DLC1: variants seen among roughly 807,000 people sequenced by gnomAD.
The protein encoded by DLC1 is DLC1 Rho GTPase activating protein, also known as rho GTPase-activating protein 7.
A neutral mutation model predicts 140.3 loss-of-function variants in DLC1; 54 were observed. The ratio of observed to expected loss-of-function variants is 0.38; its 90% CI spans 0.31 to 0.48. The LOEUF (loss-of-function observed/expected upper bound fraction) is 0.48. DLC1 is among the 20% of genes least tolerant of loss of function. DLC1 has a pLI of 0.96. For synonymous variants in DLC1, 986 were observed against 728.1 expected, an observed-to-expected ratio of 1.35 and a Z score of -5.70; for missense variants, 2,536 against 1,907.0, an observed-to-expected ratio of 1.33 and a Z score of -6.14.
At chr8:13,168,072 T>G (rs928707731) in intron 5 of DLC1, among the ~76,000 whole-genome samples, 1 of 152,210 alleles carries the variant, frequency 6.6e-6, no homozygotes, top group African/African-American at 2.4e-5. Context: ...TGTCTCAGAT[T>G]GGCCTCTCTA....
At chr8:13,359,698 G>C (rs1179905207) in intron 4 of DLC1, among the ~76,000 whole-genome samples, 1 of 152,094 alleles carries the variant, frequency 6.6e-6, no homozygotes, top group Non-Finnish European at 1.5e-5. Context: ...AATTTTCAAA[G>C]TATACTTAAT....
chr8:13,423,299 T>A (rs2117355672), intron 2 of DLC1, among the ~76,000 whole-genome samples: 1 of 152,308 alleles, frequency 6.6e-6, no homozygotes, highest in African/African-American at 2.4e-5. Flanking sequence ...TTTTCTGCTC[T>A]TCCTGTGATC....
chr8:13,523,816 A>G (rs1002600215), intron 1 of DLC1, among the ~76,000 whole-genome samples: 3 of 152,094 alleles, frequency 2.0e-5, no homozygotes, highest in African/African-American at 7.2e-5. Context: ...TTTTATTAGG[A>G]TGGAAGAATA....
At chr8:13,174,946 G>T (rs1444307190) in intron 5 of DLC1, among the ~76,000 whole-genome samples, 1 of 152,020 alleles carries the variant, frequency 6.6e-6, no homozygotes, top group Non-Finnish European at 1.5e-5. Context: ...GCAAAGAATT[G>T]ATACTCAGAA....
chr8:13,448,956 A>G (rs1798922476), intron 2 of DLC1, among the ~76,000 whole-genome samples: 5 of 152,088 alleles, frequency 3.3e-5, no homozygotes, highest in African/African-American at 9.7e-5. Flanking sequence ...CTTTCCCGCT[A>G]TGGGTTTTTT....
intron 5 of DLC1, among the ~76,000 whole-genome samples, chr8:13,220,584 C>T (rs1219962252): frequency 1.3e-5 from 2 of 152,088 alleles, no homozygotes; most frequent in African/African-American, 4.8e-5. Flanking sequence ...TACTATTTTC[C>T]TGTGCCTTTA....
At chr8:13,235,012 T>C (rs1056639030) in intron 5 of DLC1, among the ~76,000 whole-genome samples, 1 of 152,100 alleles carries the variant, frequency 6.6e-6, no homozygotes, top group African/African-American at 2.4e-5. Flanking sequence ...CTGTTAAATT[T>C]GTTACTATTT....
At chr8:13,579,245 C>CATATATATATATATAT (rs749246152) in intron 1 of DLC1, among the ~76,000 whole-genome samples, 769 of 18,890 alleles carry the variant, frequency 0.041, 172 homozygotes, top group Non-Finnish European at 0.058. Flanking sequence ...GAACAGGGAG[C>CATATATATATATATAT]ATATATATAT....
intron 1 of DLC1, among the ~76,000 whole-genome samples, chr8:13,562,735 C>G (rs1023707123): frequency 1.3e-5 from 2 of 152,218 alleles, no homozygotes; most frequent in African/African-American, 4.8e-5. Context: ...GAAAATATAT[C>G]TCCACAGATA....
At chr8:13,604,218 A>G (rs1279549207) in intron 1 of DLC1, among the ~76,000 whole-genome samples, 1 of 152,148 alleles carries the variant, frequency 6.6e-6, no homozygotes, top group East Asian at 1.9e-4. Flanking sequence ...AGCAGAAATC[A>G]TCTCTCCAAA....
intron 5 of DLC1, among the ~76,000 whole-genome samples, chr8:13,184,867 C>CT (rs1309817346): frequency 1.3e-5 from 2 of 152,182 alleles, no homozygotes; most frequent in African/African-American, 2.4e-5. Flanking sequence ...AACCTTCTGA[C>CT]TCACTGATTT....
chr8:13,498,912 G>T, intron 2 of DLC1, 137 bp downstream of exon 2: 2 of 980,598 alleles, frequency 2.0e-6, no homozygotes, highest in Non-Finnish European at 2.9e-6. Flanking sequence ...CAAGTGGGTA[G>T]TCGTTGAATT....
At chr8:13,562,829 C>G (rs751547966) in intron 1 of DLC1, among the ~76,000 whole-genome samples, 1 of 151,490 alleles carries the variant, frequency 6.6e-6, no homozygotes, top group Non-Finnish European at 1.5e-5. Flanking sequence ...CAATGAAATA[C>G]TATGCAATCT....
In DLC1 at chr8:13,084,947, AC is replaced by A. The variant is rs1202382863; in HGVS notation, c.*863del. The A allele has an allele frequency of 6.6e-6, 1 of 152,406 alleles. No homozygotes were observed. Among genetic ancestry groups the A allele is most frequent in the East Asian group, 1.9e-4 (1 of 5,186 alleles). The allele number at this position is 152,406 out of a possible 1,614,324, so 9.4% of individuals were successfully genotyped here. A position where few individuals can be genotyped will look rare whatever the true frequency, so the allele number is the denominator to read the frequency against. ...GTTCAGTTTTTATATCTCGACTTAA[AC>A]AAAAAACAAAACAAAACAAAACAAA... On this transcript the variant is annotated 3_prime_UTR_variant, in exon 18 of 18. Transcript: ENST00000276297.
At chr8:13,193,673 C>T (rs1296245343) in intron 5 of DLC1, among the ~76,000 whole-genome samples, 1 of 152,160 alleles carries the variant, frequency 6.6e-6, no homozygotes, top group Admixed American at 6.5e-5. Context: ...AAGCTCTGGC[C>T]AGAACCAAAG....
intron 5 of DLC1, among the ~76,000 whole-genome samples, chr8:13,228,639 A>G (rs1405298495): frequency 6.6e-6 from 1 of 152,192 alleles, no homozygotes; most frequent in Non-Finnish European, 1.5e-5. Context: ...AGTCCCAGCT[A>G]CTAGGGAGGC....
In DLC1 at chr8:13,499,835, A is replaced by T; in HGVS notation, c.237T>A (p.Gly79=). 1.9e-6 allele frequency: 3 copies of T among 1,614,046 alleles called. No individual in the cohort carries two copies. The highest frequency in any genetic ancestry group is 2.5e-6 in the Non-Finnish European group (3 of 1,179,996). The part of the protein sequence containing the change: ...ELRDFPGRPM[G]HLSKDVDEND... ...TTTCGTCCACATCCTTTGAAAGATG[A>T]CCCATTGGCCTCCCAGGAAAATCTC... Residue 79 remains glycine, a synonymous_variant, in exon 2 of 18, where the codon GGT becomes GGA. Coordinates refer to ENST00000276297, the MANE Select transcript of DLC1 (RefSeq NM_182643.3).
rs116857674 is a variant in DLC1 at position 13,301,486 on chromosome 8, C to G, written c.1348+3783G>C. On this transcript the variant is annotated intron_variant, in intron 5 of 17. Transcript: ENST00000276297. ...AAAAGACAGCTACCATTTTTTGGGA[C>G]TTAGTTTGTACCAAGCATTGTTGCC... Among the ~76,000 whole-genome samples, 377 of 152,234 alleles carry G rather than the reference C, an allele frequency of 2.5e-3. 4 individuals carry two copies. The highest frequency in any genetic ancestry group is 0.018 in the Admixed American group (280 of 15,292).
rs1563383392 is a variant in DLC1, at chr8:13,479,828, AG to A, written c.1023+19220del. 3.6e-3 allele frequency among the ~76,000 whole-genome samples: 184 copies of A among 50,780 alleles called. 6 individuals carry two copies. Among genetic ancestry groups the A allele is most frequent in the Middle Eastern group, 0.012 (1 of 82 alleles). The allele number at this position is 50,780 out of a possible 152,430, so 33.3% of individuals were successfully genotyped here. A position where few individuals can be genotyped will look rare whatever the true frequency, so the allele number is the denominator to read the frequency against. On this transcript the variant is annotated intron_variant, in intron 2 of 17. Coordinates refer to ENST00000276297, the MANE Select transcript of DLC1 (RefSeq NM_182643.3). ...AAGAAGAAGAAGAAGAAGAAGAAGA[AG>A]AAGAAGAAGAAGAAGAAGAAGAAGA...
Sources: allele counts gnomAD v4.1 joint callset (sites outside exome capture counted in the v4.1 genomes callset), GRCh38; gene constraint gnomAD v4.1.1; transcripts MANE v1.5; gene names NCBI Gene and HGNC (gene_info 2026-07-23, HGNC 2026-07-21).